The following LRRIQ1 variants were observed in gnomAD, a reference collection of about 807,000 sequenced individuals.
The protein encoded by LRRIQ1 is leucine-rich repeat- and IQ domain-containing protein 1.
In LRRIQ1, 210 loss-of-function variants were observed where a neutral mutation model predicts 211.9. That is an observed-to-expected ratio of 0.99 (90% CI 0.89 to 1.11). The LOEUF is 1.11. LRRIQ1 is among the 50% of genes most tolerant of loss of function. The pLI, the probability that LRRIQ1 is intolerant of heterozygous loss-of-function variation, is 0.00. For synonymous variants in LRRIQ1, 699 were observed against 650.1 expected (o/e 1.08, Z -1.14); for missense variants, 2,136 against 1,939.5 (o/e 1.10, Z -1.90).
chr12:85,075,917 G>A (rs1883597156), intron 11 of LRRIQ1, among the ~76,000 whole-genome samples: 2 of 152,028 alleles, frequency 1.3e-5, no homozygotes, highest in South Asian at 2.1e-4. Flanking sequence ...AAGTAAAGTA[G>A]ATTATCTAAA....
chr12:85,049,799 A>G (rs1193012502), intron 6 of LRRIQ1, among the ~76,000 whole-genome samples: 1 of 152,160 alleles, frequency 6.6e-6, no homozygotes, highest in Non-Finnish European at 1.5e-5. Context: ...AATGACTTCT[A>G]TATATTATAC....
chr12:85,191,801 T>C (rs1353518323), intron 24 of LRRIQ1, among the ~76,000 whole-genome samples: 1 of 151,968 alleles, frequency 6.6e-6, no homozygotes, highest in Admixed American at 6.6e-5. Flanking sequence ...TTGTTTTGGA[T>C]ATTCTCCATT....
chr12:85,053,145 GA>G (rs915063060), intron 7 of LRRIQ1, among the ~76,000 whole-genome samples: 1 of 151,338 alleles, frequency 6.6e-6, no homozygotes, highest in African/African-American at 2.4e-5. Flanking sequence ...GCACAGAGAA[GA>G]AAAAAAATTG....
intron 11 of LRRIQ1, among the ~76,000 whole-genome samples, chr12:85,091,859 A>G (rs1228131372): frequency 6.6e-6 from 1 of 152,164 alleles, no homozygotes; most frequent in African/African-American, 2.4e-5. Flanking sequence ...CCCATCTTCC[A>G]GGTTATGGAC....
At chr12:85,130,877 T>G (rs1351838597) in intron 18 of LRRIQ1, among the ~76,000 whole-genome samples, 1 of 152,042 alleles carries the variant, frequency 6.6e-6, no homozygotes, top group Non-Finnish European at 1.5e-5. Context: ...ATTTCCAAGC[T>G]TTCCTTGCAA....
intron 24 of LRRIQ1, among the ~76,000 whole-genome samples, chr12:85,206,546 A>AGTCT (rs1392010166): frequency 2.0e-5 from 3 of 152,126 alleles, no homozygotes; most frequent in Non-Finnish European, 2.9e-5. Flanking sequence ...GGGGAGACAA[A>AGTCT]GTCTGTCCAC....
chr12:85,177,941 T>A (rs1891795175), intron 24 of LRRIQ1, among the ~76,000 whole-genome samples: 1 of 152,064 alleles, frequency 6.6e-6, no homozygotes, highest in African/African-American at 2.4e-5. Context: ...TTACCAAGTA[T>A]GAGTATGTGC....
At chr12:85,063,846 A>G (rs1221917789) in intron 8 of LRRIQ1, among the ~76,000 whole-genome samples, 2 of 151,628 alleles carry the variant, frequency 1.3e-5, no homozygotes, top group Admixed American at 6.6e-5. Flanking sequence ...TTTTATCTAT[A>G]TTGTTGCAAA....
At chr12:85,057,438 C>T (rs1881256779) in intron 8 of LRRIQ1, among the ~76,000 whole-genome samples, 1 of 151,940 alleles carries the variant, frequency 6.6e-6, no homozygotes, top group Admixed American at 6.6e-5. Context: ...TGTTCAAGGG[C>T]CCTCCAGTCA....
intron 7 of LRRIQ1, among the ~76,000 whole-genome samples, chr12:85,053,203 G>C (rs897935283): frequency 2.6e-5 from 4 of 152,068 alleles, no homozygotes; most frequent in Admixed American, 6.6e-5. Context: ...ATGGTGAAAA[G>C]ATATAAAATT....
At chr12:85,108,991 C>G (rs1886977336) in intron 15 of LRRIQ1, among the ~76,000 whole-genome samples, 1 of 152,006 alleles carries the variant, frequency 6.6e-6, no homozygotes. Flanking sequence ...AAAAAAATAG[C>G]TATAACACCT....
At position 85,066,998 on chromosome 12, in the gene LRRIQ1, A is replaced by C. The variant is rs201009827; in HGVS notation, c.2695+100A>C. The C allele has an allele frequency of 5.8e-4, 333 of 575,314 alleles. 6 individuals are homozygous for C. In the East Asian group the frequency reaches 7.4e-3, roughly 13 times the overall value. 35.6% of individuals were successfully genotyped at this position (575,314 alleles called of 1,614,324 possible). A position where few individuals can be genotyped will look rare whatever the true frequency, so the allele number is the denominator to read the frequency against. ...GAGTAGGCCACCATCACAAATCTGCATATTTTATTTATGTTATACTTTTAA... is the reference window on the plus strand; with the variant it reads ...GAGTAGGCCACCATCACAAATCTGCCTATTTTATTTATGTTATACTTTTAA... On this transcript the variant is annotated intron_variant, in intron 10 of 26. Coordinates refer to ENST00000393217, the MANE Select transcript of LRRIQ1 (RefSeq NM_001079910.2).
Position 85,169,071 on chromosome 12 carries a change from A to C in LRRIQ1, c.4822+8357A>C, listed in dbSNP as rs928405256. Among the ~76,000 whole-genome samples, 3 of 152,148 alleles carry C rather than the reference A, an allele frequency of 2.0e-5. No homozygotes were observed. In the South Asian group the frequency reaches 6.2e-4, roughly 32 times the overall value. ...TCCTTAGTGTTGCTTATCATTTATC[A>C]TTTGTACAAGGCACTGTTCTAAGTA... On this transcript the variant is annotated intron_variant, in intron 24 of 26. Coordinates refer to ENST00000393217, the MANE Select transcript of LRRIQ1 (RefSeq NM_001079910.2).
chr12:85,047,380 A>G lies in LRRIQ1; in HGVS notation c.588A>G (p.Glu196=). ...KQTLKAQRDR[E]EKQFQEEEEK... ...CTCTCAAAGCTCAGAGGGATAGAGA[A>G]GAAAAACAATTTCAAGAAGAAGAAG... The change falls in exon 6 of 27, where the codon GAA becomes GAG. Residue 196 remains glutamate (E), a synonymous_variant. Coordinates refer to ENST00000393217, the MANE Select transcript of LRRIQ1 (RefSeq NM_001079910.2). 1 of 1,610,524 alleles carries G rather than the reference A, an allele frequency of 6.2e-7. No homozygotes were observed. Among genetic ancestry groups the G allele is most frequent in the Non-Finnish European group, 8.5e-7 (1 of 1,176,970 alleles).
At chr12:85,128,222 T>C (rs565839530) in intron 18 of LRRIQ1, among the ~76,000 whole-genome samples, 189 bp downstream of exon 18, 3 of 152,298 alleles carry the variant, frequency 2.0e-5, no homozygotes, top group Non-Finnish European at 4.4e-5. Context: ...CTCTGCTTGA[T>C]ATCTGGATTG....
At chr12:85,157,471 T>A (rs1213518714) in intron 23 of LRRIQ1, among the ~76,000 whole-genome samples, 2 of 151,882 alleles carry the variant, frequency 1.3e-5, no homozygotes, top group African/African-American at 4.8e-5. Flanking sequence ...GTCTTGTATT[T>A]CTGGGTTTTA....
chr12:85,082,280 G>A (rs193210101), intron 11 of LRRIQ1, among the ~76,000 whole-genome samples: 6 of 151,402 alleles, frequency 4.0e-5, no homozygotes, highest in Admixed American at 6.6e-5. Context: ...GAATGCTATC[G>A]GTTATTTTTG....
chr12:85,232,556 C>T, intron 25 of LRRIQ1, 140 bp from the exon 26 acceptor site: 1 of 673,682 alleles, frequency 1.5e-6, no homozygotes, highest in East Asian at 2.8e-5. Flanking sequence ...CTTATTTTTA[C>T]TTATAACCTA....
intron 23 of LRRIQ1, among the ~76,000 whole-genome samples, chr12:85,155,013 A>T (rs1206310963): frequency 1.3e-5 from 2 of 151,276 alleles, no homozygotes; most frequent in South Asian, 4.1e-4. Flanking sequence ...TAAGAACCAG[A>T]TATAAATATA....
Sources: allele counts gnomAD v4.1 joint callset (sites outside exome capture counted in the v4.1 genomes callset), GRCh38; gene constraint gnomAD v4.1.1; transcripts MANE v1.5; gene names NCBI Gene and HGNC (gene_info 2026-07-23, HGNC 2026-07-21).